The following NRTN variants were observed in gnomAD, a reference collection of about 807,000 sequenced individuals.
NRTN encodes neurturin.
Under a neutral mutation model 7.5 loss-of-function variants are expected in NRTN, and 3 were observed. The observed-to-expected ratio is 0.40, with a 90% CI of 0.18 to 1.03. The LOEUF is 1.03. Ranked by LOEUF, NRTN falls within the 50% of genes least tolerant of loss-of-function variation. The probability of loss-of-function intolerance (pLI) is 0.34; values close to 1 mark genes in which losing one functional copy is unlikely to be tolerated. For synonymous variants in NRTN, 157 were observed against 146.6 expected (o/e 1.07, Z -0.51); for missense variants, 310 against 307.0 (o/e 1.01, Z -0.07).
intron 1 of NRTN, among the ~76,000 whole-genome samples, chr19:5,819,612 G>A (rs1163839630): frequency 1.3e-5 from 2 of 152,002 alleles, no homozygotes; most frequent in East Asian, 1.9e-4. Context: ...GCAGTGAGCC[G>A]AGATCATGTC....
chr19:5,817,655 G>A (rs907433595), intron 1 of NRTN, among the ~76,000 whole-genome samples: 8 of 151,928 alleles, frequency 5.3e-5, no homozygotes, highest in Non-Finnish European at 1.2e-4. Context: ...GCAGGCAGGC[G>A]TGTGAGTGTC....
At chr19:5,819,072 T>C (rs894415003) in intron 1 of NRTN, among the ~76,000 whole-genome samples, 5 of 152,100 alleles carry the variant, frequency 3.3e-5, no homozygotes, top group African/African-American at 1.2e-4. Flanking sequence ...CTTGAATGTG[T>C]GGGCAAGCAG....
Position 5,828,211 on chromosome 19 carries a change from C to T in NRTN, c.*38C>T. On this transcript the variant is annotated 3_prime_UTR_variant, in exon 3 of 3. Transcript: ENST00000303212. ...CGGCCGGCGCGGCGGCCACTCCCCC[C>T]GCCTCGACGGCACCACTGGCCGGCC... 6.6e-7 allele frequency: 1 copy of T among 1,525,530 alleles called. No individual in the cohort carries two copies. Among genetic ancestry groups the T allele is most frequent in the Non-Finnish European group, 8.8e-7 (1 of 1,141,910 alleles). 94.5% of individuals were successfully genotyped at this position (1,525,530 alleles called of 1,614,324 possible). A position where few individuals can be genotyped will look rare whatever the true frequency, so the allele number is the denominator to read the frequency against.
chr19:5,820,504 T>G (rs1338028766), intron 1 of NRTN, among the ~76,000 whole-genome samples: 5 of 148,084 alleles, frequency 3.4e-5, no homozygotes, highest in East Asian at 3.9e-4. Flanking sequence ...AGGCGGAGGT[T>G]GCAGTGAGCC....
chr19:5,828,296 C>A lies in NRTN; in HGVS notation c.*123C>A. On this transcript the variant is annotated 3_prime_UTR_variant, in exon 3 of 3. Transcript: ENST00000303212. The stretch of plus-strand genomic sequence containing the variant: ...CGCGGCCCCGGGACTCTCGCGATAA[C>A]TGTACTGAGATAAAGTGTGGCAACT... The A allele has an allele frequency of 8.9e-7, 1 of 1,125,722 alleles. No individual in the cohort carries two copies. Among genetic ancestry groups the A allele is most frequent in the Non-Finnish European group, 1.2e-6 (1 of 821,616 alleles). The allele number at this position is 1,125,722 out of a possible 1,614,324, so 69.7% of individuals were successfully genotyped here.
intron 1 of NRTN, among the ~76,000 whole-genome samples, chr19:5,821,296 T>A (rs924165611): frequency 1.6e-4 from 5 of 31,556 alleles, no homozygotes; most frequent in African/African-American, 6.5e-4. Context: ...GTGCCTAGCT[T>A]TTTTTTTTTT....
intron 1 of NRTN, among the ~76,000 whole-genome samples, chr19:5,816,479 A>G (rs1176556060): frequency 3.3e-5 from 5 of 152,056 alleles, no homozygotes; most frequent in Non-Finnish European, 5.9e-5. Flanking sequence ...CCCAGGTTCA[A>G]GCGATTCTCC....
Position 5,828,095 on chromosome 19 carries a change from C to G in NRTN, c.516C>G (p.Asp172Glu), listed in dbSNP as rs867644471. ...QPCCRPTAYE[D>E]EVSFLDAHSR... ...GCTGCCGCCCGACGGCCTACGAGGA[C>G]GAGGTGTCCTTCCTGGACGCGCACA... is the stretch of plus-strand genomic sequence containing the variant. Residue 172 changes from aspartate to glutamate, a missense_variant, in exon 3 of 3, where the codon GAC (aspartate) becomes GAG (glutamate). Transcript: ENST00000303212. 2 of 1,496,864 alleles carry G rather than the reference C, an allele frequency of 1.3e-6. No homozygotes were observed. The highest frequency in any genetic ancestry group is 2.9e-5 in the African/African-American group (2 of 68,742). The allele number at this position is 1,496,864 out of a possible 1,614,324, so 92.7% of individuals were successfully genotyped here.
At chr19:5,813,249 T>A (rs1599635041) in intron 1 of NRTN, among the ~76,000 whole-genome samples, 2 of 149,310 alleles carry the variant, frequency 1.3e-5, no homozygotes, top group African/African-American at 4.9e-5. Flanking sequence ...AAAAAACAGA[T>A]GGAGGCTGGG....
At position 5,805,399 on chromosome 19, in the gene NRTN, A is replaced by G. The variant is rs1408075212; in HGVS notation, c.-451A>G. 1.7e-3 allele frequency among the ~76,000 whole-genome samples: 2 copies of G among 1,170 alleles called. No individual in the cohort carries two copies. Among genetic ancestry groups the G allele is most frequent in the Non-Finnish European group, 3.3e-3 (2 of 610 alleles). 0.8% of individuals were successfully genotyped at this position (1,170 alleles called of 152,430 possible). A position where few individuals can be genotyped will look rare whatever the true frequency, so the allele number is the denominator to read the frequency against. On this transcript the variant is annotated 5_prime_UTR_variant, in exon 1 of 3. Transcript: ENST00000303212. ...GGATGGCGGTCGCGGCGGCTGGGGC[A>G]GGGGCTGGGGCCGCGCGGCCGCCAC...
intron 1 of NRTN, among the ~76,000 whole-genome samples, chr19:5,822,739 G>A (rs989426460): frequency 1.3e-5 from 2 of 152,224 alleles, no homozygotes; most frequent in African/African-American, 2.4e-5. Context: ...AGTGACTCAC[G>A]CCTGTAATCC....
At chr19:5,810,799 C>T (rs370588257) in intron 1 of NRTN, among the ~76,000 whole-genome samples, 5 of 151,582 alleles carry the variant, frequency 3.3e-5, no homozygotes, top group East Asian at 1.9e-4. Context: ...CATGGTGGCT[C>T]GTGCCTGTAA....
Position 5,827,942 on chromosome 19 carries a change from CGACGA to C in NRTN, c.368_372del (p.Glu123GlyfsTer115). 1.3e-6 allele frequency: 2 copies of C among 1,485,824 alleles called. No individual in the cohort carries two copies. Among genetic ancestry groups the C allele is most frequent in the Non-Finnish European group, 1.8e-6 (2 of 1,123,352 alleles). The allele number at this position is 1,485,824 out of a possible 1,614,324, so 92.0% of individuals were successfully genotyped here. On this transcript the variant is annotated frameshift_variant, in exon 3 of 3. Transcript: ENST00000303212. LOFTEE classifies it low-confidence loss of function (END_TRUNC). ...GCGAGCTGGGCCTGGGCTACGCGTC[CGACGA>C]GACGGTGCTGTTCCGCTACTGCGCA...
intron 1 of NRTN, among the ~76,000 whole-genome samples, chr19:5,813,488 A>G (rs1360970881): frequency 6.6e-6 from 1 of 152,074 alleles, no homozygotes; most frequent in African/African-American, 2.4e-5. Context: ...TCTGGCCAAC[A>G]TGGTGGAACC....
chr19:5,823,696 G>A (rs746088890), intron 1 of NRTN, 72 bp from the exon 2 acceptor site: 7 of 281,082 alleles, frequency 2.5e-5, no homozygotes, highest in South Asian at 7.4e-5. Flanking sequence ...CACCCTCCCC[G>A]CGCCTTTGTC....
intron 2 of NRTN, among the ~76,000 whole-genome samples, chr19:5,824,551 A>G (rs1430248402): frequency 6.6e-6 from 1 of 152,124 alleles, no homozygotes; most frequent in East Asian, 1.9e-4. Flanking sequence ...AGGCTGAGAC[A>G]GGAGGATCTC....
intron 1 of NRTN, among the ~76,000 whole-genome samples, chr19:5,810,222 G>A (rs907670288): frequency 2.4e-4 from 35 of 148,814 alleles, no homozygotes; most frequent in Admixed American, 2.2e-3. Context: ...AGCCGAGATC[G>A]CGCCACTGCA....
chr19:5,818,957 C>T (rs1382820370), intron 1 of NRTN, among the ~76,000 whole-genome samples: 3 of 152,158 alleles, frequency 2.0e-5, no homozygotes, highest in Non-Finnish European at 4.4e-5. Flanking sequence ...TCCAGGGGGT[C>T]CTGTGACCAG....
intron 1 of NRTN, among the ~76,000 whole-genome samples, chr19:5,818,559 T>C (rs73920065): frequency 0.11 from 17,272 of 151,866 alleles, 1,618 homozygotes; most frequent in East Asian, 0.45. Flanking sequence ...TGTACCCCTG[T>C]GTGTGTGGCC....
Sources: gnomAD v4.1 joint callset for allele counts (sites outside exome capture counted in the v4.1 genomes callset) on GRCh38, gnomAD v4.1.1 for gene constraint, MANE v1.5 for transcripts, NCBI Gene and HGNC (gene_info 2026-07-23, HGNC 2026-07-21) for gene names.